TAFA2: variants seen among roughly 807,000 people sequenced by gnomAD.
TAFA2 encodes the protein TAFA chemokine like family member 2.
A neutral mutation model predicts 18.8 loss-of-function variants in TAFA2; 7 were observed. That is an observed-to-expected ratio of 0.37 (90% CI 0.21 to 0.70). TAFA2 has a LOEUF of 0.70. Among genes scored for constraint, TAFA2 ranks in the 30% least tolerant of loss-of-function variants. TAFA2 has a pLI of 0.53. For missense variants in TAFA2, 122 were observed against 158.1 expected, an observed-to-expected ratio of 0.77 and a Z score of 1.23; for synonymous variants, 60 against 54.2, an observed-to-expected ratio of 1.11 and a Z score of -0.47.
chr12:61,793,877 A>G (rs1283200973), intron 2 of TAFA2, among the ~76,000 whole-genome samples: 1 of 151,954 alleles, frequency 6.6e-6, no homozygotes, highest in Non-Finnish European at 1.5e-5. Context: ...TAAAAACGAT[A>G]ACACAAAGTG....
At chr12:62,059,822 C>T (rs1882297413) in intron 1 of TAFA2, among the ~76,000 whole-genome samples, 1 of 152,140 alleles carries the variant, frequency 6.6e-6, no homozygotes, top group East Asian at 1.9e-4. Flanking sequence ...ATGTTCTATT[C>T]ATTTTTCAAT....
chr12:62,142,265 T>C (rs1485084082), intron 1 of TAFA2, among the ~76,000 whole-genome samples: 1 of 152,192 alleles, frequency 6.6e-6, no homozygotes, highest in Non-Finnish European at 1.5e-5. Context: ...ATGCTCTGCC[T>C]GGCCCACAGC....
At position 62,039,228 on chromosome 12, in the gene TAFA2, G is replaced by A. The variant is rs75558875; in HGVS notation, c.-2+152031C>T. Among the ~76,000 whole-genome samples the A allele has an allele frequency of 5.8e-3, 880 of 152,200 alleles. 14 individuals are homozygous for A. Among genetic ancestry groups the A allele is most frequent in the African/African-American group, 0.02 (829 of 41,532 alleles). On this transcript the variant is annotated intron_variant, in intron 1 of 4. Transcript: ENST00000416284. ...ATTCCATAAATATAAAATTTGGTAT[G>A]GTAAACTCTATGCACCTTACACTAA...
intron 1 of TAFA2, among the ~76,000 whole-genome samples, chr12:62,020,357 G>A (rs746131452): frequency 4.6e-5 from 7 of 152,110 alleles, no homozygotes; most frequent in Non-Finnish European, 1.0e-4. Flanking sequence ...GGAAAAAATG[G>A]CGACCCTACA....
intron 2 of TAFA2, among the ~76,000 whole-genome samples, chr12:61,759,889 T>C (rs2120784539): frequency 6.6e-6 from 1 of 152,122 alleles, no homozygotes; most frequent in Non-Finnish European, 1.5e-5. Context: ...GTGAAGAAAG[T>C]GTGCCTCTTT....
chr12:61,898,525 T>G (rs758253885), intron 1 of TAFA2, among the ~76,000 whole-genome samples: 2 of 152,172 alleles, frequency 1.3e-5, no homozygotes, highest in Non-Finnish European at 2.9e-5. Flanking sequence ...CCCACAGGAC[T>G]AACATCATGT....
chr12:61,751,136 A>T (rs532518728), intron 4 of TAFA2, among the ~76,000 whole-genome samples: 1 of 152,120 alleles, frequency 6.6e-6, no homozygotes, highest in Non-Finnish European at 1.5e-5. Flanking sequence ...CACTGTGGGC[A>T]AAGTAACACA....
At chr12:61,991,275 T>C (rs893993789) in intron 1 of TAFA2, among the ~76,000 whole-genome samples, 9 of 152,224 alleles carry the variant, frequency 5.9e-5, no homozygotes, top group African/African-American at 2.2e-4. Flanking sequence ...TGTTATACGG[T>C]GCATTGTAAG....
At chr12:61,850,855 G>T (rs1326896852) in intron 2 of TAFA2, among the ~76,000 whole-genome samples, 1 of 151,968 alleles carries the variant, frequency 6.6e-6, no homozygotes, top group Admixed American at 6.6e-5. Context: ...CAATATAATG[G>T]TAGAGACTTT....
chr12:61,799,589 G>A (rs1227933692), intron 2 of TAFA2, among the ~76,000 whole-genome samples: 1 of 152,146 alleles, frequency 6.6e-6, no homozygotes, highest in Non-Finnish European at 1.5e-5. Flanking sequence ...TTGGGAGGCC[G>A]AGGCGGGCGG....
intron 1 of TAFA2, among the ~76,000 whole-genome samples, chr12:62,109,231 T>C (rs1311849198): frequency 6.6e-6 from 1 of 152,212 alleles, no homozygotes; most frequent in Non-Finnish European, 1.5e-5. Context: ...ATTTATTAAA[T>C]AAAGAATCCT....
At chr12:61,849,493 T>G (rs59654074) in intron 2 of TAFA2, among the ~76,000 whole-genome samples, 127 of 152,320 alleles carry the variant, frequency 8.3e-4, no homozygotes, top group African/African-American at 2.8e-3. Flanking sequence ...TTATTTATTT[T>G]CATAATATCC....
chr12:61,762,187 G>A (rs770590330), intron 2 of TAFA2, among the ~76,000 whole-genome samples: 1 of 151,984 alleles, frequency 6.6e-6, no homozygotes, highest in African/African-American at 2.4e-5. Context: ...TTTCTTTCTA[G>A]CAGTGTGAGA....
chr12:62,040,197 A>T (rs1287954196), intron 1 of TAFA2, among the ~76,000 whole-genome samples: 1 of 152,136 alleles, frequency 6.6e-6, no homozygotes, highest in African/African-American at 2.4e-5. Context: ...TCATTACACT[A>T]CAGTTGTTAT....
intron 1 of TAFA2, among the ~76,000 whole-genome samples, chr12:62,229,386 T>C (rs766893570): frequency 3.9e-5 from 6 of 152,174 alleles, no homozygotes; most frequent in African/African-American, 1.4e-4. Context: ...TTGAGGTATG[T>C]CTTTTTTATA....
At chr12:62,212,611 C>T (rs1323801534) in intron 1 of TAFA2, among the ~76,000 whole-genome samples, 1 of 152,160 alleles carries the variant, frequency 6.6e-6, no homozygotes, top group Non-Finnish European at 1.5e-5. Flanking sequence ...AATATGTGTC[C>T]TCTTTTCTTG....
At chr12:61,830,071 G>A (rs1872660923) in intron 2 of TAFA2, among the ~76,000 whole-genome samples, 1 of 151,442 alleles carries the variant, frequency 6.6e-6, no homozygotes, top group Admixed American at 6.6e-5. Flanking sequence ...ATTTATCACA[G>A]CACTACTCAT....
chr12:62,040,224 A>G (rs972207187), intron 1 of TAFA2, among the ~76,000 whole-genome samples: 4 of 152,168 alleles, frequency 2.6e-5, no homozygotes, highest in African/African-American at 4.8e-5. Flanking sequence ...CAACAACTAG[A>G]TAAGATTACT....
At chr12:62,031,999 C>A (rs1592561203) in intron 1 of TAFA2, among the ~76,000 whole-genome samples, 3 of 152,226 alleles carry the variant, frequency 2.0e-5, no homozygotes, top group South Asian at 4.1e-4. Context: ...TTTAACAAGG[C>A]CCTGCTTGCC....
Sources: gnomAD v4.1 joint callset for allele counts (sites outside exome capture counted in the v4.1 genomes callset) on GRCh38, gnomAD v4.1.1 for gene constraint, MANE v1.5 for transcripts, NCBI Gene and HGNC (gene_info 2026-07-23, HGNC 2026-07-21) for gene names.